Variants in FRMD4A observed in about 807,000 individuals in gnomAD.
The protein encoded by FRMD4A is FERM domain containing 4A, also known as FERM domain-containing protein 4A.
Under a neutral mutation model 129.1 loss-of-function variants are expected in FRMD4A, and 29 were observed. The ratio of observed to expected loss-of-function variants is 0.22; its 90% CI spans 0.17 to 0.31. The LOEUF (loss-of-function observed/expected upper bound fraction) is 0.31. FRMD4A is among the 10% of genes least tolerant of loss of function. The probability of loss-of-function intolerance (pLI) is 1.00; values close to 1 mark genes in which losing one functional copy is unlikely to be tolerated. For synonymous variants in FRMD4A, 634 were observed against 571.6 expected, an observed-to-expected ratio of 1.11 and a Z score of -1.56; for missense variants, 1,272 against 1,375.8, an observed-to-expected ratio of 0.92 and a Z score of 1.19.
At chr10:13,817,388 C>T (rs1347827696) in intron 3 of FRMD4A, among the ~76,000 whole-genome samples, 1 of 152,220 alleles carries the variant, frequency 6.6e-6, no homozygotes, top group African/African-American at 2.4e-5. Context: ...TCCTGGCCTG[C>T]TTCTTCCAGG....
At chr10:13,950,221 G>C (rs1588497645) in intron 2 of FRMD4A, among the ~76,000 whole-genome samples, 1 of 152,030 alleles carries the variant, frequency 6.6e-6, no homozygotes, top group East Asian at 1.9e-4. Flanking sequence ...GCAGGCGGAG[G>C]CAAAAAAAGA....
At chr10:13,672,766 A>G (rs2083621397) in intron 16 of FRMD4A, among the ~76,000 whole-genome samples, 1 of 151,922 alleles carries the variant, frequency 6.6e-6, no homozygotes, top group Non-Finnish European at 1.5e-5. Context: ...GCGTCTTGAT[A>G]CTCTGAGCTG....
chr10:13,727,065 G>C (rs2089948254), intron 12 of FRMD4A, among the ~76,000 whole-genome samples: 1 of 152,064 alleles, frequency 6.6e-6, no homozygotes, highest in Non-Finnish European at 1.5e-5. Context: ...ACCACACCCA[G>C]CTAATTTTGT....
Position 13,775,957 on chromosome 10 carries a change from C to T in FRMD4A, c.384+6965G>A, listed in dbSNP as rs143480929. Among the ~76,000 whole-genome samples, 57 of 152,288 alleles carry T rather than the reference C, an allele frequency of 3.7e-4. No homozygotes were observed. The East Asian group carries it at 0.01, about 27-fold the overall frequency. ...GTAAAACAATGGGTTGTCTAAAAAA[C>T]GAGCTGCAACCACAGGATACTACTT... On this transcript the variant is annotated intron_variant, in intron 6 of 24. Transcript: ENST00000357447.
At chr10:13,658,397 G>C (rs1466189216) in intron 21 of FRMD4A, among the ~76,000 whole-genome samples, 1 of 152,178 alleles carries the variant, frequency 6.6e-6, no homozygotes, top group African/African-American at 2.4e-5. Context: ...TCCACTCAGG[G>C]CTTAGGGAAG....
chr10:13,815,740 G>C (rs1421337449), intron 3 of FRMD4A, among the ~76,000 whole-genome samples: 3 of 152,180 alleles, frequency 2.0e-5, no homozygotes, highest in East Asian at 3.8e-4. Flanking sequence ...CTTGAAACCA[G>C]TGCACTGACA....
At chr10:13,718,324 C>T (rs2089057539) in intron 12 of FRMD4A, among the ~76,000 whole-genome samples, 3 of 152,350 alleles carry the variant, frequency 2.0e-5, no homozygotes, top group South Asian at 4.1e-4. Context: ...CTTGCGGTCT[C>T]GCCAGCTGCT....
Position 13,654,518 on chromosome 10 carries a change from T to C in FRMD4A, c.2954-6A>G. On this transcript the variant is annotated splice_region_variant and splice_polypyrimidine_tract_variant and intron_variant, in intron 22 of 24. Transcript: ENST00000357447. ...CTGGCTTTGAGGTAAGGCAGCTACA[T>C]GCAGGTGGTGCAAGAAAGGCAGAGA... is the stretch of plus-strand genomic sequence containing the variant. 1 of 1,590,452 alleles carries C rather than the reference T, an allele frequency of 6.3e-7. No individual in the cohort carries two copies. The highest frequency in any genetic ancestry group is 8.6e-7 in the Non-Finnish European group (1 of 1,158,962).
chr10:13,894,516 C>T (rs909065957), intron 2 of FRMD4A, among the ~76,000 whole-genome samples: 3 of 152,182 alleles, frequency 2.0e-5, no homozygotes, highest in Admixed American at 2.0e-4. Context: ...ACCCAGTAGC[C>T]CAGGCTGGAG....
chr10:14,101,908 T>C (rs1301332938), intron 2 of FRMD4A, among the ~76,000 whole-genome samples: 1 of 152,232 alleles, frequency 6.6e-6, no homozygotes, highest in Non-Finnish European at 1.5e-5. Flanking sequence ...ATTTTAGACA[T>C]ATCCCCCATC....
intron 6 of FRMD4A, among the ~76,000 whole-genome samples, chr10:13,780,497 T>G (rs1440316451): frequency 6.6e-6 from 1 of 152,156 alleles, no homozygotes; most frequent in African/African-American, 2.4e-5. Flanking sequence ...GACAAGGGGC[T>G]GTCGCTCTCA....
chr10:13,657,223 GC>G lies in FRMD4A; in HGVS notation c.2365del (p.Ala789ArgfsTer108). ...ARQRQRQRQR[A>X]AGALGSASSG... ...GCTGGCTGAGCCCAGTGCGCCCGCCGCCCGCTGCCGCTGCCTCTGCCTCTGG... is the reference window on the plus strand; with the variant it reads ...GCTGGCTGAGCCCAGTGCGCCCGCCGCCGCTGCCGCTGCCTCTGCCTCTGG... On this transcript the variant is annotated frameshift_variant, in exon 22 of 25. Coordinates refer to ENST00000357447, the MANE Select transcript of FRMD4A (RefSeq NM_018027.5). LOFTEE classifies it high-confidence loss of function. 1 of 1,558,242 alleles carries G rather than the reference GC, an allele frequency of 6.4e-7. No individual in the cohort carries two copies. The highest frequency in any genetic ancestry group is 8.6e-7 in the Non-Finnish European group (1 of 1,158,178).
At chr10:14,203,937 C>G (rs1441908057) in intron 2 of FRMD4A, among the ~76,000 whole-genome samples, 1 of 152,158 alleles carries the variant, frequency 6.6e-6, no homozygotes, top group Non-Finnish European at 1.5e-5. Context: ...GTAGTTTGAC[C>G]CACAGTTCCC....
intron 2 of FRMD4A, among the ~76,000 whole-genome samples, chr10:13,876,747 G>A (rs868542641): frequency 7.2e-5 from 11 of 151,762 alleles, no homozygotes; most frequent in South Asian, 2.1e-4. Flanking sequence ...ACAATAATAC[G>A]TGTGATTAAA....
intron 2 of FRMD4A, among the ~76,000 whole-genome samples, chr10:14,283,515 C>T (rs189275578): frequency 1.3e-5 from 2 of 152,138 alleles, no homozygotes; most frequent in African/African-American, 4.8e-5. Flanking sequence ...AGATAAAACC[C>T]AGATAAAAGA....
chr10:13,714,026 A>ATAATATAT (rs1491387054), intron 12 of FRMD4A, among the ~76,000 whole-genome samples: 5,763 of 60,906 alleles, frequency 0.095, 1,608 homozygotes, highest in Non-Finnish European at 0.12. Context: ...TATAAAATAT[A>ATAATATAT]CATATATATA....
intron 17 of FRMD4A, among the ~76,000 whole-genome samples, chr10:13,669,057 G>GT (rs56706198): frequency 0.024 from 2,359 of 97,358 alleles, 204 homozygotes; most frequent in Middle Eastern, 0.06. Context: ...CTGAGCTTTA[G>GT]TTTTTTTTTT....
chr10:13,715,905 C>CAAAAAA lies in FRMD4A; in HGVS notation c.760-8798_760-8793dup, dbSNP rs61600242. 4.8e-5 allele frequency among the ~76,000 whole-genome samples: 6 copies of CAAAAAA among 125,460 alleles called. 1 individual carries two copies. Among genetic ancestry groups the CAAAAAA allele is most frequent in the Non-Finnish European group, 6.5e-5 (4 of 61,484 alleles). 82.3% of individuals were successfully genotyped at this position (125,460 alleles called of 152,430 possible). ...GGGTGACAGAGTGAGACTCCCCCCT[C>CAAAAAA]AAAAAAAAAAAAAAAAAAAGAAATG... On this transcript the variant is annotated intron_variant, in intron 12 of 24. Coordinates refer to ENST00000357447, the MANE Select transcript of FRMD4A (RefSeq NM_018027.5).
rs1348189124 is a variant in FRMD4A at position 13,754,583 on chromosome 10, T to C, written c.465-6764A>G. The stretch of plus-strand genomic sequence containing the variant: ...CAATTCTTTCGTGTGTGTGTGTGTG[T>C]GTGTGTGTGTGTGTGTGTAAAACAG... On this transcript the variant is annotated intron_variant, in intron 8 of 24. Coordinates refer to ENST00000357447, the MANE Select transcript of FRMD4A (RefSeq NM_018027.5). 2.6e-5 allele frequency among the ~76,000 whole-genome samples: 4 copies of C among 152,056 alleles called. No individual in the cohort carries two copies. The East Asian group carries it at 7.7e-4, about 29-fold the overall frequency.
Sources: allele counts gnomAD v4.1 joint callset (sites outside exome capture counted in the v4.1 genomes callset), GRCh38; gene constraint gnomAD v4.1.1; transcripts MANE v1.5; gene names NCBI Gene and HGNC (gene_info 2026-07-23, HGNC 2026-07-21).